The following PLEKHH2 variants were observed in gnomAD, a reference collection of about 807,000 sequenced individuals.
The protein encoded by PLEKHH2 is pleckstrin homology, MyTH4 and FERM domain containing H2.
Under a neutral mutation model 187.9 loss-of-function variants are expected in PLEKHH2, and 129 were observed. That is an observed-to-expected ratio of 0.69 (90% CI 0.59 to 0.79). The LOEUF is 0.79. Among genes scored for constraint, PLEKHH2 ranks in the 30% least tolerant of loss-of-function variants. The pLI, the probability that PLEKHH2 is intolerant of heterozygous loss-of-function variation, is 0.00. For synonymous variants in PLEKHH2, 686 were observed against 605.6 expected (o/e 1.13, Z -1.95); for missense variants, 2,076 against 1,751.2 (o/e 1.19, Z -3.31).
chr2:43,707,678 CTA>C lies in PLEKHH2; in HGVS notation c.1966+135_1966+136del, dbSNP rs368857673. ...AGACCCTAGTGAAAAGAACTTTAGC[CTA>C]TGACTGATATGTTTATATTCCTAAT... On this transcript the variant is annotated intron_variant, in intron 11 of 29. Transcript: ENST00000282406. 7 of 951,810 alleles carry C rather than the reference CTA, an allele frequency of 7.4e-6. No individual in the cohort carries two copies. In the East Asian group the frequency reaches 1.9e-4, roughly 26 times the overall value. 59.0% of individuals were successfully genotyped at this position (951,810 alleles called of 1,614,324 possible).
At chr2:43,747,109 C>CCTCTCTCT (rs10696940) in intron 24 of PLEKHH2, among the ~76,000 whole-genome samples, 1 of 126,188 alleles carries the variant, frequency 7.9e-6, no homozygotes, top group Non-Finnish European at 1.7e-5. Flanking sequence ...TCTCTCTCTC[C>CCTCTCTCT]CTCTCTCTCT....
At chr2:43,652,509 C>G (rs1666526735) in intron 2 of PLEKHH2, among the ~76,000 whole-genome samples, 1 of 152,154 alleles carries the variant, frequency 6.6e-6, no homozygotes, top group Non-Finnish European at 1.5e-5. Flanking sequence ...CCACTTGGCT[C>G]CTAAAATGCT....
chr2:43,674,754 GCA>G (rs1667650053), intron 2 of PLEKHH2, among the ~76,000 whole-genome samples: 2 of 152,176 alleles, frequency 1.3e-5, no homozygotes, highest in East Asian at 1.9e-4. Context: ...GGAGGCTGAG[GCA>G]TGTGGATCAC....
rs1314002867 is a variant in PLEKHH2, at chr2:43,738,369, T to G, written c.2972T>G (p.Val991Gly). 3.7e-6 allele frequency: 6 copies of G among 1,611,948 alleles called. No homozygotes were observed. The Admixed American group carries it at 6.7e-5, about 18-fold the overall frequency. The change falls in exon 20 of 30, where the codon GTT becomes GGT. Residue 991 changes from valine to glycine, a missense_variant. Coordinates refer to ENST00000282406, the MANE Select transcript of PLEKHH2 (RefSeq NM_172069.4). ...TGCCAGCTTTTTATAAATGCTGCAG[T>G]TGACTCTCCTGCAATTGATTACCAC... ...KTCQLFINAAVDSPAIDYHIS... is the reference protein window; with the variant it reads ...KTCQLFINAAGDSPAIDYHIS...
At chr2:43,655,766 C>T (rs1027681614) in intron 2 of PLEKHH2, among the ~76,000 whole-genome samples, 3 of 152,102 alleles carry the variant, frequency 2.0e-5, no homozygotes, top group African/African-American at 7.2e-5. Flanking sequence ...GATTTTTCGT[C>T]TGGGAGAGTA....
chr2:43,761,386 A>T, intron 27 of PLEKHH2, among the ~76,000 whole-genome samples: 1 of 143,828 alleles, frequency 7.0e-6, no homozygotes, highest in African/African-American at 2.6e-5. Context: ...TTTTTTTTCT[A>T]TGAGAACCAG....
intron 15 of PLEKHH2, among the ~76,000 whole-genome samples, chr2:43,717,310 C>T (rs551672545): frequency 6.6e-6 from 1 of 152,184 alleles, no homozygotes; most frequent in South Asian, 2.1e-4. Flanking sequence ...CCCAGCTATT[C>T]AGGAGGCTGA....
chr2:43,657,558 T>A (rs1277990427), intron 2 of PLEKHH2, among the ~76,000 whole-genome samples: 1 of 152,050 alleles, frequency 6.6e-6, no homozygotes, highest in Non-Finnish European at 1.5e-5. Flanking sequence ...GGTGGCCCAG[T>A]TTTAAGGGAA....
At chr2:43,716,103 A>G (rs542042218) in intron 15 of PLEKHH2, among the ~76,000 whole-genome samples, 1 of 152,270 alleles carries the variant, frequency 6.6e-6, no homozygotes, top group African/African-American at 2.4e-5. Flanking sequence ...GACTATCTAT[A>G]CCTTTCAGTA....
intron 2 of PLEKHH2, among the ~76,000 whole-genome samples, chr2:43,672,541 T>TA (rs1667542355): frequency 6.6e-6 from 1 of 152,204 alleles, no homozygotes; most frequent in Non-Finnish European, 1.5e-5. Flanking sequence ...ACCTCCTAAT[T>TA]AGCAGTGGCA....
intron 20 of PLEKHH2, 102 bp downstream of exon 20, chr2:43,738,622 A>G: frequency 1.7e-6 from 2 of 1,178,962 alleles, no homozygotes; most frequent in Non-Finnish European, 2.3e-6. Flanking sequence ...GAATACAAAA[A>G]GTGCAGAAGG....
At chr2:43,699,553 G>C in intron 7 of PLEKHH2, 94 bp from the exon 8 acceptor site, 5 of 1,441,986 alleles carry the variant, frequency 3.5e-6, no homozygotes, top group Non-Finnish European at 4.7e-6. Flanking sequence ...AATTTCTACA[G>C]TGTCAATTTC....
chr2:43,739,313 T>G (rs1671451257), intron 20 of PLEKHH2, among the ~76,000 whole-genome samples: 1 of 152,238 alleles, frequency 6.6e-6, no homozygotes, highest in African/African-American at 2.4e-5. Context: ...AATATTTCAC[T>G]ATTGACTCAG....
intron 25 of PLEKHH2, among the ~76,000 whole-genome samples, chr2:43,756,453 C>T (rs1334573819): frequency 3.9e-5 from 6 of 151,994 alleles, no homozygotes; most frequent in African/African-American, 7.3e-5. Flanking sequence ...CCACCACACC[C>T]GTCTGTTGCC....
chr2:43,655,841 T>C (rs1666730486), intron 2 of PLEKHH2, among the ~76,000 whole-genome samples: 1 of 152,210 alleles, frequency 6.6e-6, no homozygotes, highest in Admixed American at 6.5e-5. Flanking sequence ...TAATATTAGA[T>C]GCATTTTCAT....
intron 15 of PLEKHH2, among the ~76,000 whole-genome samples, chr2:43,718,633 T>C (rs1238011918): frequency 6.6e-6 from 1 of 152,256 alleles, no homozygotes; most frequent in Non-Finnish European, 1.5e-5. Flanking sequence ...TTCATTAATT[T>C]GCATTTCTTC....
intron 17 of PLEKHH2, 37 bp from the exon 18 acceptor site, chr2:43,729,600 G>A (rs770486830): frequency 3.0e-6 from 4 of 1,349,646 alleles, no homozygotes; most frequent in Non-Finnish European, 4.0e-6. Context: ...AATCAAAACT[G>A]TGTCTTAACA....
chr2:43,669,858 A>G (rs894658143), intron 2 of PLEKHH2, among the ~76,000 whole-genome samples: 1 of 152,154 alleles, frequency 6.6e-6, no homozygotes, highest in Admixed American at 6.5e-5. Context: ...CAAAATGAGG[A>G]AAGATCAAAA....
At chr2:43,714,978 C>T (rs552023955) in intron 15 of PLEKHH2, among the ~76,000 whole-genome samples, 6 of 152,132 alleles carry the variant, frequency 3.9e-5, no homozygotes, top group South Asian at 4.1e-4. Context: ...TAGGAGACAG[C>T]GCGAATGAAG....
Sources: allele counts gnomAD v4.1 joint callset (sites outside exome capture counted in the v4.1 genomes callset), GRCh38; gene constraint gnomAD v4.1.1; transcripts MANE v1.5; gene names NCBI Gene and HGNC (gene_info 2026-07-23, HGNC 2026-07-21).